Variants in FOXO1 observed in about 807,000 individuals in gnomAD.
The protein encoded by FOXO1 is forkhead box protein O1.
A neutral mutation model predicts 44.1 loss-of-function variants in FOXO1; 6 were observed. That is an observed-to-expected ratio of 0.14 (90% CI 0.07 to 0.27). The LOEUF (loss-of-function observed/expected upper bound fraction) is 0.27. Among genes scored for constraint, FOXO1 ranks in the 10% least tolerant of loss-of-function variants. The pLI is 1.00. For missense variants in FOXO1, 737 were observed against 888.8 expected (o/e 0.83, Z 2.17); for synonymous variants, 380 against 362.7 (o/e 1.05, Z -0.54).
At chr13:40,634,869 G>C (rs1039769946) in intron 1 of FOXO1, among the ~76,000 whole-genome samples, 22 of 151,950 alleles carry the variant, frequency 1.4e-4, no homozygotes, top group Non-Finnish European at 3.1e-4. Flanking sequence ...GTAGAGATAG[G>C]GTTTCACCAT....
intron 1 of FOXO1, among the ~76,000 whole-genome samples, chr13:40,597,160 C>G (rs971183191): frequency 2.0e-5 from 3 of 151,384 alleles, no homozygotes. Flanking sequence ...TGTTTACAGA[C>G]AGTTACACGT....
intron 1 of FOXO1, chr13:40,619,068 G>A (rs150196757): frequency 1.8e-5 from 8 of 446,174 alleles, no homozygotes; most frequent in African/African-American, 4.1e-5. Context: ...GGTGGATCAC[G>A]AGGTCTGGAG....
chr13:40,589,379 T>C (rs1281352918), intron 1 of FOXO1, among the ~76,000 whole-genome samples: 2 of 152,216 alleles, frequency 1.3e-5, no homozygotes, highest in Non-Finnish European at 2.9e-5. Flanking sequence ...GTACAGTCTG[T>C]ATTATTTATA....
intron 1 of FOXO1, among the ~76,000 whole-genome samples, chr13:40,563,201 C>T (rs890291707): frequency 5.9e-5 from 9 of 152,200 alleles, no homozygotes; most frequent in Admixed American, 1.3e-4. Flanking sequence ...TGACATGGGA[C>T]GCCCGGGCCC....
chr13:40,561,807 A>C (rs1338082233), intron 1 of FOXO1, among the ~76,000 whole-genome samples: 1 of 152,036 alleles, frequency 6.6e-6, no homozygotes, highest in African/African-American at 2.4e-5. Context: ...CATCTCTACT[A>C]AAAATACAAA....
intron 1 of FOXO1, among the ~76,000 whole-genome samples, chr13:40,587,266 T>TA (rs34831498): frequency 0.36 from 31,921 of 88,918 alleles, 5,815 homozygotes; most frequent in East Asian, 0.63. Context: ...CAGAACAAAG[T>TA]AAAAAAAAAA....
intron 1 of FOXO1, among the ~76,000 whole-genome samples, chr13:40,647,632 T>C (rs921634313): frequency 6.6e-6 from 1 of 152,176 alleles, no homozygotes. Context: ...CTCCAACTCC[T>C]GAGCTCAAGT....
intron 1 of FOXO1, among the ~76,000 whole-genome samples, chr13:40,566,633 C>G (rs187509689): frequency 1.8e-3 from 268 of 152,274 alleles, no homozygotes; most frequent in African/African-American, 6.4e-3. Context: ...CTGCCTCAGT[C>G]TCCACAAAGC....
chr13:40,618,352 AG>A (rs1210179046), intron 1 of FOXO1, among the ~76,000 whole-genome samples: 2 of 152,216 alleles, frequency 1.3e-5, no homozygotes, highest in African/African-American at 4.8e-5. Flanking sequence ...CTGGGATTAT[AG>A]GCATGAGCCA....
chr13:40,657,319 CTTTT>C (rs369503666), intron 1 of FOXO1, among the ~76,000 whole-genome samples: 2 of 127,796 alleles, frequency 1.6e-5, no homozygotes, highest in African/African-American at 3.0e-5. Flanking sequence ...CCTTTTTTTT[CTTTT>C]TTTTTTTTTT....
chr13:40,626,479 T>C (rs1053214901), intron 1 of FOXO1, among the ~76,000 whole-genome samples: 4 of 152,248 alleles, frequency 2.6e-5, no homozygotes, highest in African/African-American at 9.6e-5. Context: ...AAAGTATAGA[T>C]GCATTTTTGC....
chr13:40,621,201 A>C, intron 1 of FOXO1: 1 of 639,686 alleles, frequency 1.6e-6, no homozygotes, highest in South Asian at 1.5e-5. Context: ...TGTTTGTATC[A>C]GTGACCACAT....
At chr13:40,628,203 T>C (rs1876848359) in intron 1 of FOXO1, among the ~76,000 whole-genome samples, 1 of 152,082 alleles carries the variant, frequency 6.6e-6, no homozygotes, top group South Asian at 2.1e-4. Context: ...AAAAAGCCCT[T>C]CTTGGGGGCA....
chr13:40,560,945 G>GT lies in FOXO1; in HGVS notation c.631-86dup. On this transcript the variant is annotated intron_variant, in intron 1 of 2. Coordinates refer to ENST00000379561, the MANE Select transcript of FOXO1 (RefSeq NM_002015.4). The surrounding 1 kb of genome is among the most constrained non-coding windows in gnomAD (Gnocchi z 5.1). ...TCTACATGTATTACATGGAAAACAAGTAAAAAATCTTAAGAGTGTGTGCTA... is the reference window on the plus strand; with the variant it reads ...TCTACATGTATTACATGGAAAACAAGTTAAAAAATCTTAAGAGTGTGTGCTA... The GT allele has an allele frequency of 7.3e-7, 1 of 1,369,446 alleles. No individual in the cohort carries two copies. The highest frequency in any genetic ancestry group is 1.4e-5 in the South Asian group (1 of 70,332). 84.8% of individuals were successfully genotyped at this position (1,369,446 alleles called of 1,614,324 possible). A position where few individuals can be genotyped will look rare whatever the true frequency, so the allele number is the denominator to read the frequency against.
intron 1 of FOXO1, among the ~76,000 whole-genome samples, chr13:40,640,822 T>A (rs1246494538): frequency 1.3e-5 from 2 of 151,958 alleles, no homozygotes. Flanking sequence ...TTTGCTCTGT[T>A]TCCCAGGCTG....
intron 1 of FOXO1, chr13:40,620,317 C>G: frequency 2.2e-6 from 2 of 889,404 alleles, no homozygotes; most frequent in South Asian, 2.7e-5. Flanking sequence ...ACAGAACATA[C>G]AGTCACTATT....
chr13:40,629,681 T>C (rs1265716650), intron 1 of FOXO1, among the ~76,000 whole-genome samples: 1 of 152,206 alleles, frequency 6.6e-6, no homozygotes, highest in Non-Finnish European at 1.5e-5. Flanking sequence ...GTTTCAGATT[T>C]TGGAGCATTT....
At chr13:40,632,965 T>C (rs1030461011) in intron 1 of FOXO1, among the ~76,000 whole-genome samples, 13 of 149,330 alleles carry the variant, frequency 8.7e-5, no homozygotes, top group African/African-American at 3.2e-4. Context: ...TGAGTAGATA[T>C]CTCTCCAAAG....
At chr13:40,572,655 A>T (rs1033361013) in intron 1 of FOXO1, among the ~76,000 whole-genome samples, 1 of 152,224 alleles carries the variant, frequency 6.6e-6, no homozygotes, top group Non-Finnish European at 1.5e-5. Context: ...TCTCAAATCA[A>T]ATAGCTTCCC....
Sources: allele counts gnomAD v4.1 joint callset (sites outside exome capture counted in the v4.1 genomes callset), GRCh38; gene constraint gnomAD v4.1.1; non-coding constraint Gnocchi (gnomAD v3.1); transcripts MANE v1.5; gene names NCBI Gene and HGNC (gene_info 2026-07-23, HGNC 2026-07-21).